ZBTB20: variants seen among roughly 807,000 people sequenced by gnomAD.
The protein encoded by ZBTB20 is zinc finger and BTB domain-containing protein 20.
ZBTB20 carries 9 observed loss-of-function variants against 56.9 expected under a neutral mutation model. The observed-to-expected ratio is 0.16, with a 90% CI of 0.10 to 0.28. The LOEUF (loss-of-function observed/expected upper bound fraction) is 0.28, where lower values mean the gene tolerates loss of function less well. ZBTB20 is among the 10% of genes least tolerant of loss of function. The probability of loss-of-function intolerance (pLI) is 1.00; values close to 1 mark genes in which losing one functional copy is unlikely to be tolerated. For missense variants in ZBTB20, 655 were observed against 1,003.0 expected (o/e 0.65, Z 4.69); for synonymous variants, 417 against 420.7 (o/e 0.99, Z 0.11).
chr3:114,885,477 T>C (rs2076568236), intron 4 of ZBTB20, among the ~76,000 whole-genome samples: 1 of 152,214 alleles, frequency 6.6e-6, no homozygotes, highest in East Asian at 1.9e-4. Flanking sequence ...CTGTCTCTAG[T>C]GCCTGAGATC....
chr3:114,480,304 T>G (rs2669898), intron 7 of ZBTB20, among the ~76,000 whole-genome samples: 1 of 151,936 alleles, frequency 6.6e-6, no homozygotes, highest in African/African-American at 2.4e-5. Context: ...TTTCAGATGC[T>G]TTTTTTGAAT....
At chr3:114,804,464 G>A in intron 4 of ZBTB20, among the ~76,000 whole-genome samples, 1 of 151,894 alleles carries the variant, frequency 6.6e-6, no homozygotes. Flanking sequence ...AGTACTGACT[G>A]TATCTTGCTC....
chr3:114,861,062 C>T (rs1341213009), intron 4 of ZBTB20, among the ~76,000 whole-genome samples: 2 of 152,186 alleles, frequency 1.3e-5, no homozygotes, highest in Non-Finnish European at 2.9e-5. Context: ...CTAAGTCCCA[C>T]CTCAGGGCCT....
At chr3:114,771,255 A>G in intron 5 of ZBTB20, among the ~76,000 whole-genome samples, 1 of 152,182 alleles carries the variant, frequency 6.6e-6, no homozygotes. Context: ...CTTCATGAAT[A>G]ACATAGTAGA....
intron 7 of ZBTB20, among the ~76,000 whole-genome samples, chr3:114,395,819 A>C (rs1176902781): frequency 6.6e-6 from 1 of 152,162 alleles, no homozygotes; most frequent in Non-Finnish European, 1.5e-5. Flanking sequence ...TGGAATCACA[A>C]TCCCACTGTT....
intron 5 of ZBTB20, among the ~76,000 whole-genome samples, chr3:114,774,206 T>C (rs2069423041): frequency 6.6e-6 from 1 of 152,198 alleles, no homozygotes; most frequent in South Asian, 2.1e-4. Flanking sequence ...TTTATAATTA[T>C]ATCACAGTAT....
chr3:114,991,070 T>G lies in ZBTB20; in HGVS notation c.-506-16654A>C, dbSNP rs553687480. On this transcript the variant is annotated intron_variant, in intron 2 of 11. Transcript: ENST00000675478. ...TCAAAAAACCAGCTCCTGGATTCAT[T>G]GATTTTTTGAAGGGTTTTTTGTGTC... Among the ~76,000 whole-genome samples the G allele has an allele frequency of 4.6e-5, 7 of 152,314 alleles. No homozygotes were observed. In the South Asian group the frequency reaches 8.3e-4, roughly 18 times the overall value.
chr3:115,135,302 G>A (rs1414620062), intron 1 of ZBTB20, among the ~76,000 whole-genome samples: 1 of 152,192 alleles, frequency 6.6e-6, no homozygotes, highest in Non-Finnish European at 1.5e-5. Flanking sequence ...TGTTTTCAAA[G>A]TCTTTAATTT....
At chr3:114,442,562 T>C (rs562918160) in intron 7 of ZBTB20, among the ~76,000 whole-genome samples, 98 of 152,282 alleles carry the variant, frequency 6.4e-4, no homozygotes, top group African/African-American at 2.2e-3. Context: ...AAATCCTTTA[T>C]TGAATTATCA....
At chr3:114,528,308 C>CT (rs2047460329) in intron 6 of ZBTB20, among the ~76,000 whole-genome samples, 1 of 152,040 alleles carries the variant, frequency 6.6e-6, no homozygotes, top group Non-Finnish European at 1.5e-5. Context: ...CCTTTTGTTC[C>CT]CTTTTTCTTT....
intron 3 of ZBTB20, among the ~76,000 whole-genome samples, chr3:114,903,915 A>G (rs936173205): frequency 6.6e-6 from 1 of 151,904 alleles, no homozygotes; most frequent in Admixed American, 6.6e-5. Flanking sequence ...TTTTTTTCTT[A>G]TGGCTGGGAA....
intron 2 of ZBTB20, among the ~76,000 whole-genome samples, chr3:115,041,804 C>A (rs1168541820): frequency 3.9e-5 from 6 of 152,106 alleles, no homozygotes; most frequent in Non-Finnish European, 8.8e-5. Flanking sequence ...TGTCATCATG[C>A]CTTTAAAATT....
At chr3:114,952,719 G>T (rs1350344845) in intron 3 of ZBTB20, among the ~76,000 whole-genome samples, 1 of 151,954 alleles carries the variant, frequency 6.6e-6, no homozygotes, top group Non-Finnish European at 1.5e-5. Flanking sequence ...CCATTCAAAT[G>T]ACTGTGGAAT....
At chr3:115,058,679 C>T (rs533192816) in intron 2 of ZBTB20, among the ~76,000 whole-genome samples, 7 of 152,104 alleles carry the variant, frequency 4.6e-5, no homozygotes, top group African/African-American at 1.4e-4. Context: ...CAGTAAGCCA[C>T]GATGTGCCAC....
rs1192086338 is a variant in ZBTB20, at chr3:114,331,365, T to C, written c.*7640A>G. The stretch of plus-strand genomic sequence containing the variant: ...ACAGCCTGTCCCTGTGGGTTTGCTG[T>C]GGATTCAACAAGCTGCATTTGTTTC... On this transcript the variant is annotated 3_prime_UTR_variant, in exon 12 of 12. Coordinates refer to ENST00000675478, the MANE Select transcript of ZBTB20 (RefSeq NM_001348800.3). The C allele has an allele frequency of 6.6e-6, 1 of 152,230 alleles. No homozygotes were observed. The highest frequency in any genetic ancestry group is 2.4e-5 in the African/African-American group (1 of 41,450). 9.4% of individuals were successfully genotyped at this position (152,230 alleles called of 1,614,324 possible).
intron 3 of ZBTB20, among the ~76,000 whole-genome samples, chr3:114,920,876 A>G (rs575222204): frequency 1.3e-5 from 2 of 152,256 alleles, no homozygotes; most frequent in South Asian, 4.1e-4. Flanking sequence ...AGAAGACTCG[A>G]ATTTAAAATT....
At chr3:114,471,821 T>C (rs1311839240) in intron 7 of ZBTB20, among the ~76,000 whole-genome samples, 1 of 152,204 alleles carries the variant, frequency 6.6e-6, no homozygotes, top group Non-Finnish European at 1.5e-5. Flanking sequence ...ATTTTTAAAA[T>C]ATTTATTTCT....
intron 7 of ZBTB20, among the ~76,000 whole-genome samples, chr3:114,425,187 C>T (rs962929118): frequency 3.3e-5 from 5 of 150,094 alleles, no homozygotes; most frequent in Non-Finnish European, 5.9e-5. Flanking sequence ...ATTTTAATAT[C>T]GCCTTCTCCC....
chr3:114,377,225 G>C (rs2083747742), intron 10 of ZBTB20, among the ~76,000 whole-genome samples: 1 of 152,110 alleles, frequency 6.6e-6, no homozygotes, highest in Non-Finnish European at 1.5e-5. Flanking sequence ...CTTACCATTA[G>C]ATTTTTAGCA....
Sources: allele counts gnomAD v4.1 joint callset (sites outside exome capture counted in the v4.1 genomes callset), GRCh38; gene constraint gnomAD v4.1.1; transcripts MANE v1.5; gene names NCBI Gene and HGNC (gene_info 2026-07-23, HGNC 2026-07-21).